The following THADA variants were observed in gnomAD, a reference collection of about 807,000 sequenced individuals.
THADA encodes the protein tRNA (32-2'-O)-methyltransferase regulator THADA.
Under a neutral mutation model 219.8 loss-of-function variants are expected in THADA, and 213 were observed. That is an observed-to-expected ratio of 0.97 (90% CI 0.87 to 1.09). THADA has a LOEUF of 1.09. THADA is among the 50% of genes least tolerant of loss of function. THADA has a pLI of 0.00. For synonymous variants in THADA, 1,018 were observed against 828.9 expected (o/e 1.23, Z -3.92); for missense variants, 2,956 against 2,311.3 (o/e 1.28, Z -5.72).
intron 26 of THADA, among the ~76,000 whole-genome samples, chr2:43,470,989 C>T (rs1684841700): frequency 1.3e-5 from 2 of 152,032 alleles, no homozygotes; most frequent in Admixed American, 6.6e-5. Context: ...AAAGACTGAC[C>T]GTAGTAAGAA....
At chr2:43,487,169 A>C (rs967084008) in intron 25 of THADA, among the ~76,000 whole-genome samples, 1 of 152,186 alleles carries the variant, frequency 6.6e-6, no homozygotes, top group African/African-American at 2.4e-5. Flanking sequence ...GCCCTCATTC[A>C]GGTCTGGATT....
chr2:43,269,324 T>C (rs1487011681), intron 36 of THADA, among the ~76,000 whole-genome samples: 1 of 152,136 alleles, frequency 6.6e-6, no homozygotes, highest in Non-Finnish European at 1.5e-5. Flanking sequence ...AAAATGACCC[T>C]CATTTCCTCG....
chr2:43,455,123 C>G (rs1682825954), intron 26 of THADA, among the ~76,000 whole-genome samples: 1 of 152,084 alleles, frequency 6.6e-6, no homozygotes, highest in African/African-American at 2.4e-5. Flanking sequence ...CCTGATAATC[C>G]TCTAATCTTA....
rs926161700 is a variant in THADA at position 43,305,137 on chromosome 2, G to A, written c.4439-11924C>T. ...AGATGATAATTTGTACACTCTTAACGTCAATGTCCTGTTATGCAATTTCTC... is the reference window on the plus strand; with the variant it reads ...AGATGATAATTTGTACACTCTTAACATCAATGTCCTGTTATGCAATTTCTC... On this transcript the variant is annotated intron_variant, in intron 31 of 37. Transcript: ENST00000405975. Among the ~76,000 whole-genome samples the A allele has an allele frequency of 2.0e-5, 3 of 152,200 alleles. No individual in the cohort carries two copies. In the South Asian group the frequency reaches 6.2e-4, roughly 32 times the overall value.
At chr2:43,267,868 C>G (rs1407907219) in intron 36 of THADA, among the ~76,000 whole-genome samples, 1 of 152,128 alleles carries the variant, frequency 6.6e-6, no homozygotes, top group African/African-American at 2.4e-5. Flanking sequence ...AAATCTATAC[C>G]CCGACTAAAA....
intron 30 of THADA, among the ~76,000 whole-genome samples, chr2:43,334,791 C>CA (rs1244881422): frequency 1.1e-4 from 17 of 150,554 alleles, no homozygotes; most frequent in East Asian, 3.9e-4. Context: ...AAAAAAAAAA[C>CA]AAAAAAAACA....
At chr2:43,388,760 T>C (rs906057523) in intron 29 of THADA, among the ~76,000 whole-genome samples, 7 of 152,180 alleles carry the variant, frequency 4.6e-5, no homozygotes, top group Non-Finnish European at 1.0e-4. Flanking sequence ...ACACATAAAG[T>C]CAAAATTGCT....
At position 43,574,539 on chromosome 2, in the gene THADA, AAATG is replaced by A; in HGVS notation, c.1522_1525del (p.His508Ter). The A allele has an allele frequency of 6.2e-7, 1 of 1,614,038 alleles. No homozygotes were observed. Among genetic ancestry groups the A allele is most frequent in the South Asian group, 1.1e-5 (1 of 91,086 alleles). ...AGAACTCTCAGCAGTCTGGGATTTC[AAATG>A]ACTCTTATGATTTCTAAACATGGTT... On this transcript the variant is annotated frameshift_variant, in exon 11 of 38. Transcript: ENST00000405975. LOFTEE classifies it high-confidence loss of function.
chr2:43,574,989 A>G lies in THADA; in HGVS notation c.1076T>C (p.Ile359Thr). The part of the protein sequence containing the change: ...EPTLEMFLSR[I>T]LASWTNSAIQ... Reference sequence around the variant, plus strand: ...GGCTGAATTAGTCCAGGATGCTAAGATTCTAGACAGAAACATTTCCAGCGT... The same window carrying G: ...GGCTGAATTAGTCCAGGATGCTAAGGTTCTAGACAGAAACATTTCCAGCGT... Residue 359 changes from isoleucine to threonine, a missense_variant, in exon 11 of 38, where the codon ATC becomes ACC. Physicochemically the swap from Ile to Thr is moderately conservative, Grantham distance 89. Transcript: ENST00000405975. 6.2e-7 allele frequency: 1 copy of G among 1,613,292 alleles called. No individual in the cohort carries two copies. Among genetic ancestry groups the G allele is most frequent in the African/African-American group, 1.3e-5 (1 of 75,022 alleles).
intron 30 of THADA, among the ~76,000 whole-genome samples, chr2:43,337,598 C>T (rs1196355659): frequency 2.0e-5 from 3 of 152,044 alleles, no homozygotes; most frequent in Non-Finnish European, 4.4e-5. Context: ...AACAATCTGG[C>T]AGTGTATACC....
At chr2:43,318,573 T>A (rs1300761425) in intron 31 of THADA, among the ~76,000 whole-genome samples, 2 of 152,154 alleles carry the variant, frequency 1.3e-5, no homozygotes, top group Non-Finnish European at 2.9e-5. Flanking sequence ...AAGATCCACA[T>A]ATGACTAGTG....
At chr2:43,497,600 T>C (rs1411733111) in intron 25 of THADA, among the ~76,000 whole-genome samples, 1 of 152,120 alleles carries the variant, frequency 6.6e-6, no homozygotes, top group Non-Finnish European at 1.5e-5. Context: ...AAAACCTAGA[T>C]GACAGGCTGA....
chr2:43,292,984 C>T lies in THADA; in HGVS notation c.4668G>A (p.Val1556=), dbSNP rs1245240763. ...AGAGGGCTTCCAGTGTTAGTGAGCG[C>T]ACTTCAGGGAAGGCAGATTCTAACA... ...SQLLESAFPE[V]RSLTLEALLE... is the part of the protein sequence containing the mutation. The change falls in exon 32 of 38, where the codon GTG becomes GTA. Residue 1556 remains valine, a synonymous_variant. Coordinates refer to ENST00000405975, the MANE Select transcript of THADA (RefSeq NM_022065.5). 1.2e-6 allele frequency: 2 copies of T among 1,613,870 alleles called. No homozygotes were observed. Among genetic ancestry groups the T allele is most frequent in the Admixed American group, 1.7e-5 (1 of 59,994 alleles).
chr2:43,362,734 A>AT (rs1324619728), intron 29 of THADA, among the ~76,000 whole-genome samples: 1 of 152,168 alleles, frequency 6.6e-6, no homozygotes, highest in Non-Finnish European at 1.5e-5. Context: ...TTGCTCTAAC[A>AT]TTTTTACCTT....
intron 29 of THADA, among the ~76,000 whole-genome samples, chr2:43,370,853 T>C (rs959209862): frequency 4.6e-5 from 7 of 152,230 alleles, no homozygotes; most frequent in African/African-American, 1.7e-4. Context: ...GCAAGGCTAT[T>C]TATAAACTCT....
At chr2:43,294,748 G>A (rs1180894328) in intron 31 of THADA, among the ~76,000 whole-genome samples, 1 of 152,038 alleles carries the variant, frequency 6.6e-6, no homozygotes, top group Non-Finnish European at 1.5e-5. Context: ...AATAAATGAC[G>A]AGGGCCTTAA....
chr2:43,586,275 T>C (rs912185278), intron 7 of THADA, 126 bp downstream of exon 7: 2 of 823,772 alleles, frequency 2.4e-6, no homozygotes, highest in Non-Finnish European at 3.6e-6. Flanking sequence ...AAAAAAAATA[T>C]AAAAGTGATA....
chr2:43,365,979 G>A (rs1230724876), intron 29 of THADA, among the ~76,000 whole-genome samples: 1 of 152,080 alleles, frequency 6.6e-6, no homozygotes, highest in Non-Finnish European at 1.5e-5. Context: ...GTGGGAGCAG[G>A]GTCTAAAGCA....
chr2:43,363,712 G>A (rs1385312307), intron 29 of THADA, among the ~76,000 whole-genome samples: 1 of 152,192 alleles, frequency 6.6e-6, no homozygotes, highest in Non-Finnish European at 1.5e-5. Context: ...TGAGTCTGTG[G>A]AGCAGTGGCA....
Sources: gnomAD v4.1 joint callset for allele counts (sites outside exome capture counted in the v4.1 genomes callset) on GRCh38, gnomAD v4.1.1 for gene constraint, MANE v1.5 for transcripts, NCBI Gene and HGNC (gene_info 2026-07-23, HGNC 2026-07-21) for gene names.